CDH13: variants seen among roughly 807,000 people sequenced by gnomAD.
The protein encoded by CDH13 is cadherin-13.
In CDH13, 24 loss-of-function variants were observed where a neutral mutation model predicts 63.8. The observed-to-expected ratio is 0.38, with a 90% CI of 0.27 to 0.53. The LOEUF is 0.53. Ranked by LOEUF, CDH13 falls within the 20% of genes least tolerant of loss-of-function variation. The probability of loss-of-function intolerance (pLI) is 0.85; values close to 1 mark genes in which losing one functional copy is unlikely to be tolerated. For missense variants in CDH13, 1,049 were observed against 903.1 expected (o/e 1.16, Z -2.07); for synonymous variants, 503 against 355.3 (o/e 1.42, Z -4.67).
At chr16:83,338,731 G>A (rs373820098) in intron 5 of CDH13, among the ~76,000 whole-genome samples, 1 of 152,194 alleles carries the variant, frequency 6.6e-6, no homozygotes, top group South Asian at 2.1e-4. Context: ...TGGTTGGTAG[G>A]AGGGTTGTAT....
intron 7 of CDH13, among the ~76,000 whole-genome samples, chr16:83,559,341 G>A (rs577263086): frequency 6.6e-6 from 1 of 152,290 alleles, no homozygotes; most frequent in Admixed American, 6.5e-5. Flanking sequence ...GGAGGCCGAG[G>A]CAGGTGGATC....
chr16:82,742,443 G>T (rs1366800229), intron 1 of CDH13, among the ~76,000 whole-genome samples: 5 of 152,020 alleles, frequency 3.3e-5, no homozygotes, highest in South Asian at 2.1e-4. Flanking sequence ...ACTGTTAACT[G>T]GGCTTGTGTG....
chr16:83,652,379 C>G (rs1450657673), intron 8 of CDH13, among the ~76,000 whole-genome samples: 1 of 152,190 alleles, frequency 6.6e-6, no homozygotes, highest in Non-Finnish European at 1.5e-5. Flanking sequence ...CTCCCTACAG[C>G]TCTGGAGATT....
chr16:82,629,966 G>T (rs1347072564), intron 1 of CDH13, among the ~76,000 whole-genome samples: 1 of 152,186 alleles, frequency 6.6e-6, no homozygotes, highest in Non-Finnish European at 1.5e-5. Flanking sequence ...AATCCCCCAA[G>T]AATTAGGAAT....
chr16:83,379,938 T>TATATATATATATATATAGAGAGAGAG, intron 6 of CDH13, among the ~76,000 whole-genome samples: 112 of 123,410 alleles, frequency 9.1e-4, no homozygotes, highest in South Asian at 2.8e-3. Flanking sequence ...TATATATATA[T>TATATATATATATATATAGAGAGAGAG]AGAGAGAGAG....
intron 2 of CDH13, among the ~76,000 whole-genome samples, chr16:82,955,755 C>A (rs142915365): frequency 6.6e-6 from 1 of 152,288 alleles, no homozygotes; most frequent in African/African-American, 2.4e-5. Flanking sequence ...CTCTTCATTG[C>A]AAGCAGCTAC....
At chr16:83,610,672 C>T (rs146221423) in intron 8 of CDH13, among the ~76,000 whole-genome samples, 8 of 152,280 alleles carry the variant, frequency 5.3e-5, no homozygotes, top group Non-Finnish European at 1.2e-4. Context: ...TATTCATGTT[C>T]GTTACCATGC....
chr16:83,071,193 C>T (rs2032411063), intron 3 of CDH13, among the ~76,000 whole-genome samples: 1 of 152,176 alleles, frequency 6.6e-6, no homozygotes, highest in Admixed American at 6.5e-5. Flanking sequence ...CCTGATTATA[C>T]ATGAGTGTTA....
At chr16:83,374,719 C>G (rs906066442) in intron 6 of CDH13, among the ~76,000 whole-genome samples, 3 of 152,204 alleles carry the variant, frequency 2.0e-5, no homozygotes, top group African/African-American at 7.2e-5. Flanking sequence ...TAGACTATCT[C>G]TGGATGTTTT....
At chr16:83,050,725 C>T (rs2030222582) in intron 3 of CDH13, among the ~76,000 whole-genome samples, 1 of 152,140 alleles carries the variant, frequency 6.6e-6, no homozygotes, top group South Asian at 2.1e-4. Context: ...ATTTCACTTG[C>T]CTCTCGGGGT....
intron 5 of CDH13, among the ~76,000 whole-genome samples, chr16:83,290,356 A>G (rs2089436494): frequency 6.6e-6 from 1 of 152,144 alleles, no homozygotes; most frequent in Non-Finnish European, 1.5e-5. Context: ...CATGGGAGGC[A>G]TCCAGTGGGA....
chr16:83,726,585 C>T (rs11641741), intron 10 of CDH13, among the ~76,000 whole-genome samples: 33,995 of 152,032 alleles, frequency 0.22, 4,216 homozygotes, highest in Middle Eastern at 0.32. Context: ...CCTGTAATCC[C>T]GGCCCTTTGG....
intron 8 of CDH13, among the ~76,000 whole-genome samples, chr16:83,624,400 A>G (rs144385217): frequency 2.2e-4 from 33 of 150,730 alleles, no homozygotes; most frequent in African/African-American, 7.8e-4. Flanking sequence ...CCGGTTTCGT[A>G]GAACACAATT....
At chr16:83,532,132 G>T (rs2075096419) in intron 7 of CDH13, among the ~76,000 whole-genome samples, 1 of 152,124 alleles carries the variant, frequency 6.6e-6, no homozygotes, top group African/African-American at 2.4e-5. Context: ...TGTGAGATGT[G>T]CCTTTCACCT....
chr16:82,740,354 A>G (rs1215736243), intron 1 of CDH13, among the ~76,000 whole-genome samples: 1 of 152,166 alleles, frequency 6.6e-6, no homozygotes, highest in Non-Finnish European at 1.5e-5. Flanking sequence ...TAATCATCAC[A>G]AACTTCAAAT....
At chr16:83,092,813 C>T (rs954331438) in intron 3 of CDH13, among the ~76,000 whole-genome samples, 1 of 152,130 alleles carries the variant, frequency 6.6e-6, no homozygotes, top group African/African-American at 2.4e-5. Flanking sequence ...CAAGAGACTC[C>T]AAATTTAGTA....
chr16:83,561,754 G>A (rs12929735), intron 7 of CDH13, among the ~76,000 whole-genome samples: 49,145 of 152,012 alleles, frequency 0.32, 9,087 homozygotes, highest in East Asian at 0.42. Flanking sequence ...TGGTATATGC[G>A]GAATAAATTG....
intron 2 of CDH13, among the ~76,000 whole-genome samples, chr16:82,958,081 C>A (rs56913429): frequency 3.3e-5 from 5 of 152,108 alleles, no homozygotes; most frequent in African/African-American, 1.2e-4. Context: ...TCACAGATTC[C>A]TAACTAAGTA....
intron 1 of CDH13, chr16:82,639,321 A>G: frequency 6.9e-7 from 1 of 1,442,686 alleles, no homozygotes; most frequent in African/African-American, 1.4e-5. Context: ...GCCCGGGGTC[A>G]TTTGTGTTCT....
Sources: allele counts gnomAD v4.1 joint callset (sites outside exome capture counted in the v4.1 genomes callset), GRCh38; gene constraint gnomAD v4.1.1; transcripts MANE v1.5; gene names NCBI Gene and HGNC (gene_info 2026-07-23, HGNC 2026-07-21).